NSD3: variants seen among roughly 807,000 people sequenced by gnomAD.
The protein encoded by NSD3 is histone-lysine N-methyltransferase NSD3.
Under a neutral mutation model 160.8 loss-of-function variants are expected in NSD3, and 24 were observed. That is an observed-to-expected ratio of 0.15 (90% confidence interval 0.11 to 0.21). NSD3 has a LOEUF of 0.21. Ranked by LOEUF, NSD3 falls within the 10% of genes least tolerant of loss-of-function variation. The probability of loss-of-function intolerance (pLI) is 1.00; values close to 1 mark genes in which losing one functional copy is unlikely to be tolerated. For synonymous variants in NSD3, 520 were observed against 600.0 expected (o/e 0.87, Z 1.95); for missense variants, 1,157 against 1,735.9 (o/e 0.67, Z 5.93).
chr8:38,280,842 T>C (rs1030250818), intron 20 of NSD3, among the ~76,000 whole-genome samples: 8 of 151,660 alleles, frequency 5.3e-5, no homozygotes, highest in African/African-American at 1.9e-4. Flanking sequence ...AGCCTTGACC[T>C]CCTGGGCTCA....
chr8:38,317,635 C>T lies in NSD3; in HGVS notation c.1855+1260G>A, dbSNP rs1809701112. On this transcript the variant is annotated intron_variant, in intron 9 of 23. Transcript: ENST00000317025. This position sits in a 1 kb window ranked among gnomAD's most constrained non-coding sequence, Gnocchi z 5.3. ...TGTTTGGCAAACCCCTGCAGATGTG[C>T]ATTAATGATGCTTTATTTAAAAACA... 8.5e-7 allele frequency: 1 copy of T among 1,181,164 alleles called. No homozygotes were observed. The highest frequency in any genetic ancestry group is 1.1e-6 in the Non-Finnish European group (1 of 948,756). 73.2% of individuals were successfully genotyped at this position (1,181,164 alleles called of 1,614,324 possible). A position where few individuals can be genotyped will look rare whatever the true frequency, so the allele number is the denominator to read the frequency against.
intron 12 of NSD3, among the ~76,000 whole-genome samples, chr8:38,312,904 T>C (rs1361895335): frequency 2.0e-5 from 3 of 152,150 alleles, no homozygotes; most frequent in Non-Finnish European, 2.9e-5. Flanking sequence ...CTTGAATGCT[T>C]AAAGGGGCCA....
At chr8:38,298,803 A>G (rs1809215273) in intron 15 of NSD3, among the ~76,000 whole-genome samples, 1 of 152,228 alleles carries the variant, frequency 6.6e-6, no homozygotes, top group Non-Finnish European at 1.5e-5. Flanking sequence ...GAACAGAAAT[A>G]TCCATTTAGC....
Position 38,331,423 on chromosome 8 carries a change from T to C in NSD3, c.1065+8A>G, listed in dbSNP as rs1324486539. The C allele has an allele frequency of 6.3e-7, 1 of 1,590,856 alleles. No homozygotes were observed. Among genetic ancestry groups the C allele is most frequent in the Non-Finnish European group, 8.5e-7 (1 of 1,170,274 alleles). ...ATACTAGGTAAATAATATTAACATG[T>C]TAGTTACCTTTTGTTTCTCAGAGTG... On this transcript the variant is annotated splice_region_variant and intron_variant, in intron 5 of 23. Transcript: ENST00000317025.
chr8:38,293,998 C>CTAT (rs1182914562), intron 16 of NSD3, among the ~76,000 whole-genome samples: 1 of 144,350 alleles, frequency 6.9e-6, no homozygotes, highest in Non-Finnish European at 1.5e-5. Context: ...AAGCAGAACT[C>CTAT]TATTGTGCTA....
chr8:38,319,312 G>T lies in NSD3; in HGVS notation c.1810-372C>A. 5.3e-6 allele frequency: 1 copy of T among 189,402 alleles called. No homozygotes were observed. Among genetic ancestry groups the T allele is most frequent in the Non-Finnish European group, 1.1e-5 (1 of 92,838 alleles). The allele number at this position is 189,402 out of a possible 1,614,324, so 11.7% of individuals were successfully genotyped here. A position where few individuals can be genotyped will look rare whatever the true frequency, so the allele number is the denominator to read the frequency against. ...ACCCCTCCCGCCCCAAAGACGTTAGGATAAATTTTTACTTACTATGATACT... is the reference window on the plus strand; with the variant it reads ...ACCCCTCCCGCCCCAAAGACGTTAGTATAAATTTTTACTTACTATGATACT... On this transcript the variant is annotated intron_variant, in intron 8 of 23. Coordinates refer to ENST00000317025, the MANE Select transcript of NSD3 (RefSeq NM_023034.2). This position sits in a 1 kb window ranked among gnomAD's most constrained non-coding sequence, Gnocchi z 4.1.
Position 38,317,622 on chromosome 8 carries a change from C to T in NSD3, c.1855+1273G>A. ...ATACAGTTTGGGCTGTTTGGCAAAC[C>T]CCTGCAGATGTGCATTAATGATGCT... On this transcript the variant is annotated intron_variant, in intron 9 of 23. Coordinates refer to ENST00000317025, the MANE Select transcript of NSD3 (RefSeq NM_023034.2). This position sits in a 1 kb window ranked among gnomAD's most constrained non-coding sequence, Gnocchi z 5.3. The T allele has an allele frequency of 2.6e-6, 3 of 1,141,452 alleles. No individual in the cohort carries two copies. Among genetic ancestry groups the T allele is most frequent in the Non-Finnish European group, 3.2e-6 (3 of 925,944 alleles). The allele number at this position is 1,141,452 out of a possible 1,614,324, so 70.7% of individuals were successfully genotyped here. A position where few individuals can be genotyped will look rare whatever the true frequency, so the allele number is the denominator to read the frequency against.
intron 6 of NSD3, among the ~76,000 whole-genome samples, chr8:38,328,736 A>G (rs1809974488): frequency 6.6e-6 from 1 of 152,238 alleles, no homozygotes; most frequent in Admixed American, 6.5e-5. Context: ...TACCAATATT[A>G]TGGAAGAGTT....
Position 38,273,564 on chromosome 8 carries a change from T to C in NSD3, c.*2077A>G, listed in dbSNP as rs1808534283. On this transcript the variant is annotated 3_prime_UTR_variant, in exon 24 of 24. Transcript: ENST00000317025. ...GTTGGATACTGTTTCAAGAACTGTA[T>C]TTGGAATATTAAAGGAAATCCTTAT... 1 of 152,180 alleles carries C rather than the reference T, an allele frequency of 6.6e-6. No homozygotes were observed. The highest frequency in any genetic ancestry group is 2.1e-4 in the South Asian group (1 of 4,830). 9.4% of individuals were successfully genotyped at this position (152,180 alleles called of 1,614,324 possible).
intron 12 of NSD3, among the ~76,000 whole-genome samples, chr8:38,308,393 T>C (rs967035073): frequency 6.6e-6 from 1 of 152,140 alleles, no homozygotes; most frequent in Non-Finnish European, 1.5e-5. Flanking sequence ...TTACCATGTA[T>C]ATAGATATGA....
rs1585880062 is a variant in NSD3 at position 38,315,789 on chromosome 8, A to T, written c.1986+123T>A. ...TGAGAGCAAAAGAATTAAGACACTCAAAATAAACAAAGTGATTTTTTTCTA... is the reference window on the plus strand; with the variant it reads ...TGAGAGCAAAAGAATTAAGACACTCTAAATAAACAAAGTGATTTTTTTCTA... On this transcript the variant is annotated intron_variant, in intron 10 of 23. Transcript: ENST00000317025. 3 of 1,415,448 alleles carry T rather than the reference A, an allele frequency of 2.1e-6. No homozygotes were observed. In the East Asian group the frequency reaches 7.0e-5, roughly 33 times the overall value. 87.7% of individuals were successfully genotyped at this position (1,415,448 alleles called of 1,614,324 possible). A position where few individuals can be genotyped will look rare whatever the true frequency, so the allele number is the denominator to read the frequency against.
rs1449027599 is a variant in NSD3 at position 38,308,740 on chromosome 8, C to G, written c.2243-3295G>C. Among the ~76,000 whole-genome samples the G allele has an allele frequency of 2.0e-5, 3 of 152,204 alleles. No individual in the cohort carries two copies. The East Asian group carries it at 5.8e-4, about 29-fold the overall frequency. ...GAGGCTGAGGTGGGAGGATTGAGCCCAGGAGGTCGAGGCTGCAGTGAGCTA... is the reference window on the plus strand; with the variant it reads ...GAGGCTGAGGTGGGAGGATTGAGCCGAGGAGGTCGAGGCTGCAGTGAGCTA... On this transcript the variant is annotated intron_variant, in intron 12 of 23. Transcript: ENST00000317025.
chr8:38,335,409 T>C (rs570970184), intron 4 of NSD3, among the ~76,000 whole-genome samples: 42 of 152,326 alleles, frequency 2.8e-4, no homozygotes, highest in African/African-American at 9.1e-4. Context: ...CATAAAGTAA[T>C]TGAATATGAA....
Position 38,314,479 on chromosome 8 carries a change from C to CT in NSD3, c.2242+167dup, listed in dbSNP as rs1809609036. On this transcript the variant is annotated intron_variant, in intron 12 of 23. Coordinates refer to ENST00000317025, the MANE Select transcript of NSD3 (RefSeq NM_023034.2). ...GCACCAGTAGGAGGAAATTTAACTA[C>CT]TTTTTAAATCTTGAAGCCAAATCTT... Among the ~76,000 whole-genome samples the CT allele has an allele frequency of 2.0e-5, 3 of 152,290 alleles. No homozygotes were observed. The South Asian group carries it at 6.2e-4, about 32-fold the overall frequency.
At chr8:38,348,866 C>T (rs1810598657) in intron 1 of NSD3, among the ~76,000 whole-genome samples, 3 of 152,028 alleles carry the variant, frequency 2.0e-5, no homozygotes, top group African/African-American at 2.4e-5. Context: ...ACTATGTTGC[C>T]CAAGCTGGTC....
At position 38,329,783 on chromosome 8, in the gene NSD3, A is replaced by G. The variant is rs1810009320; in HGVS notation, c.1176T>C (p.Phe392=). Residue 392 remains phenylalanine (F), a synonymous_variant, in exon 6 of 24, where the codon TTT becomes TTC. Transcript: ENST00000317025. This position sits in a 1 kb window ranked among gnomAD's most constrained non-coding sequence, Gnocchi z 4.8. ...CTTCAGGCTGTTTATCAATGTAAAT[A>G]AAAGTATACTGTTCTATTCTTTCTT... ...TREERIEQYT[F]IYIDKQPEEA... 2 of 1,614,044 alleles carry G rather than the reference A, an allele frequency of 1.2e-6. No individual in the cohort carries two copies. Among genetic ancestry groups the G allele is most frequent in the African/African-American group, 1.3e-5 (1 of 74,928 alleles).
At chr8:38,352,530 T>C (rs749550896) in intron 1 of NSD3, among the ~76,000 whole-genome samples, 1 of 152,230 alleles carries the variant, frequency 6.6e-6, no homozygotes, top group Non-Finnish European at 1.5e-5. Flanking sequence ...GTGGCCTGCT[T>C]AAACCACAAA....
At chr8:38,323,004 A>G (rs1477518207) in intron 7 of NSD3, among the ~76,000 whole-genome samples, 1 of 152,200 alleles carries the variant, frequency 6.6e-6, no homozygotes, top group African/African-American at 2.4e-5. Context: ...CAAACTTCAA[A>G]CAAGCTCAAA....
intron 1 of NSD3, among the ~76,000 whole-genome samples, chr8:38,364,667 C>A (rs1811066115): frequency 6.6e-6 from 1 of 152,164 alleles, no homozygotes; most frequent in Admixed American, 6.5e-5. Context: ...CAACCAAAAT[C>A]TCTGGGCCAC....
Sources: allele counts gnomAD v4.1 joint callset (sites outside exome capture counted in the v4.1 genomes callset), GRCh38; gene constraint gnomAD v4.1.1; non-coding constraint Gnocchi (gnomAD v3.1); transcripts MANE v1.5; gene names NCBI Gene and HGNC (gene_info 2026-07-23, HGNC 2026-07-21).